The following SLC39A9 variants were observed in gnomAD, a reference collection of about 807,000 sequenced individuals.
SLC39A9 encodes the protein zinc transporter ZIP9.
Under a neutral mutation model 28.4 loss-of-function variants are expected in SLC39A9, and 14 were observed. The ratio of observed to expected loss-of-function variants is 0.49; its 90% CI spans 0.33 to 0.77. SLC39A9 has a LOEUF of 0.77. Ranked by LOEUF, SLC39A9 falls within the 30% of genes least tolerant of loss-of-function variation. The pLI is 0.02. For missense variants in SLC39A9, 283 were observed against 381.1 expected, an observed-to-expected ratio of 0.74 and a Z score of 2.14; for synonymous variants, 119 against 149.6, an observed-to-expected ratio of 0.80 and a Z score of 1.49.
At chr14:69,443,302 C>T (rs543050946) in intron 3 of SLC39A9, among the ~76,000 whole-genome samples, 16 of 152,258 alleles carry the variant, frequency 1.1e-4, no homozygotes, top group African/African-American at 3.9e-4. Flanking sequence ...AATGGGAGAG[C>T]CTTGTGACTA....
intron 3 of SLC39A9, among the ~76,000 whole-genome samples, chr14:69,448,744 C>T (rs1885462437): frequency 6.6e-6 from 1 of 152,110 alleles, no homozygotes; most frequent in South Asian, 2.1e-4. Context: ...TTACAATATG[C>T]AAGAAAATTA....
intron 3 of SLC39A9, among the ~76,000 whole-genome samples, chr14:69,444,183 C>T (rs1214711405): frequency 6.6e-6 from 1 of 151,958 alleles, no homozygotes; most frequent in Non-Finnish European, 1.5e-5. Flanking sequence ...AGAACAAGAT[C>T]CCATCTCAAA....
intron 2 of SLC39A9, among the ~76,000 whole-genome samples, chr14:69,436,689 A>G (rs1222589411): frequency 1.3e-5 from 2 of 152,112 alleles, no homozygotes; most frequent in Non-Finnish European, 1.5e-5. Context: ...TATACATAGG[A>G]TTAAAGAACC....
rs1195265731 is a variant in SLC39A9, at chr14:69,399,431, C to T, written c.62C>T (p.Ala21Val). The T allele has an allele frequency of 6.2e-7, 1 of 1,614,064 alleles. No individual in the cohort carries two copies. The part of the protein sequence containing the change: ...SLAMLVGCYV[A>V]GIIPLAVNFS... ...GCTATGTTGGTGGGATGTTACGTGG[C>T]CGGAATCATTCCCTTGGCTGTTAAT... The change falls in exon 1 of 7, where the codon GCC becomes GTC. Residue 21 changes from alanine (A) to valine (V), a missense_variant. Coordinates refer to ENST00000336643, the MANE Select transcript of SLC39A9 (RefSeq NM_018375.5).
At chr14:69,406,459 T>C (rs1353611357) in intron 1 of SLC39A9, among the ~76,000 whole-genome samples, 2 of 152,126 alleles carry the variant, frequency 1.3e-5, no homozygotes, top group Admixed American at 6.5e-5. Context: ...AGTCTTAACC[T>C]CTCCTCTAAT....
intron 1 of SLC39A9, among the ~76,000 whole-genome samples, chr14:69,409,512 A>ATT (rs148369820): frequency 6.6e-6 from 1 of 151,792 alleles, no homozygotes; most frequent in African/African-American, 2.4e-5. Flanking sequence ...TAATTTTTGT[A>ATT]TTTTTTTAGA....
intron 3 of SLC39A9, among the ~76,000 whole-genome samples, chr14:69,448,201 T>G (rs11622711): frequency 3.3e-5 from 4 of 120,118 alleles, no homozygotes; most frequent in Non-Finnish European, 4.9e-5. Context: ...GGCAACAAAG[T>G]GAGACTCTGT....
rs997620292 is a variant in SLC39A9, at chr14:69,454,819, T to C, written c.480T>C (p.Gly160=). ...LGLVVHAAAD[G]VALGAAASTS... ...CCTTGTTTCCAAATATAGCTGATGGTGTTGCTTTGGGAGCAGCAGCATCTA... is the reference window on the plus strand; with the variant it reads ...CCTTGTTTCCAAATATAGCTGATGGCGTTGCTTTGGGAGCAGCAGCATCTA... The change falls in exon 5 of 7, where the codon GGT becomes GGC. Residue 160 remains glycine (G), a synonymous_variant. Transcript: ENST00000336643. 1 of 1,613,636 alleles carries C rather than the reference T, an allele frequency of 6.2e-7. No individual in the cohort carries two copies. The highest frequency in any genetic ancestry group is 1.3e-5 in the African/African-American group (1 of 74,934).
intron 3 of SLC39A9, among the ~76,000 whole-genome samples, chr14:69,448,130 G>A (rs1286527586): frequency 1.3e-5 from 2 of 149,330 alleles, no homozygotes; most frequent in African/African-American, 4.9e-5. Context: ...CAGGAGAATG[G>A]CGTGAACATG....
chr14:69,442,376 C>CTT, intron 3 of SLC39A9, 110 bp downstream of exon 3: 1 of 1,008,006 alleles, frequency 9.9e-7, no homozygotes, highest in Non-Finnish European at 1.5e-6. Flanking sequence ...TGCTAAAACT[C>CTT]TTGTCTTCCT....
In SLC39A9 at chr14:69,460,621, A is replaced by G; in HGVS notation, c.*2028A>G. 3 of 985,432 alleles carry G rather than the reference A, an allele frequency of 3.0e-6. No homozygotes were observed. Among genetic ancestry groups the G allele is most frequent in the Non-Finnish European group, 3.6e-6 (3 of 829,934 alleles). 61.0% of individuals were successfully genotyped at this position (985,432 alleles called of 1,614,324 possible). A position where few individuals can be genotyped will look rare whatever the true frequency, so the allele number is the denominator to read the frequency against. ...CAATGGTAATTTGTTCTACTGGCCA[A>G]AGCCTCTTTCAGCAGTGCCTTGCCA... is the stretch of plus-strand genomic sequence containing the variant. On this transcript the variant is annotated 3_prime_UTR_variant, in exon 7 of 7. Coordinates refer to ENST00000336643, the MANE Select transcript of SLC39A9 (RefSeq NM_018375.5).
At chr14:69,437,714 A>G (rs1040414854) in intron 2 of SLC39A9, among the ~76,000 whole-genome samples, 3 of 150,034 alleles carry the variant, frequency 2.0e-5, no homozygotes, top group African/African-American at 7.4e-5. Context: ...TCAGCCTCCC[A>G]AGTAACTGGG....
intron 2 of SLC39A9, among the ~76,000 whole-genome samples, chr14:69,436,421 T>C (rs1344051279): frequency 5.3e-5 from 8 of 152,204 alleles, no homozygotes; most frequent in African/African-American, 1.4e-4. Context: ...AAATAACTTT[T>C]GGTTGTATGC....
At chr14:69,456,151 T>TGCTA (rs1438468295) in intron 6 of SLC39A9, among the ~76,000 whole-genome samples, 1 of 152,220 alleles carries the variant, frequency 6.6e-6, no homozygotes, top group Non-Finnish European at 1.5e-5. Flanking sequence ...TAACCAGCCA[T>TGCTA]GCTAGCTTCA....
rs987355699 is a variant in SLC39A9, at chr14:69,444,162, G to A, written c.403+1896G>A. ...GATCACACCACTGCACTCCAGTTCAGCCTGAGCAAGAGAACAAGATCCCAT... is the reference window on the plus strand; with the variant it reads ...GATCACACCACTGCACTCCAGTTCAACCTGAGCAAGAGAACAAGATCCCAT... On this transcript the variant is annotated intron_variant, in intron 3 of 6. Coordinates refer to ENST00000336643, the MANE Select transcript of SLC39A9 (RefSeq NM_018375.5). Among the ~76,000 whole-genome samples the A allele has an allele frequency of 3.3e-5, 5 of 152,112 alleles. No individual in the cohort carries two copies. The South Asian group carries it at 1.0e-3, about 32-fold the overall frequency.
chr14:69,446,518 A>T (rs930736285), intron 3 of SLC39A9, among the ~76,000 whole-genome samples: 6 of 152,010 alleles, frequency 3.9e-5, no homozygotes, highest in Non-Finnish European at 7.4e-5. Context: ...CACTGGCCAC[A>T]TGTGGGATAA....
chr14:69,437,604 T>TG (rs1384749646), intron 2 of SLC39A9, among the ~76,000 whole-genome samples: 1 of 151,992 alleles, frequency 6.6e-6, no homozygotes, highest in Non-Finnish European at 1.5e-5. Context: ...GTTTTTTTTT[T>TG]TTTGAGACGG....
chr14:69,446,164 A>C (rs190575780), intron 3 of SLC39A9, among the ~76,000 whole-genome samples: 1 of 152,038 alleles, frequency 6.6e-6, no homozygotes, highest in South Asian at 2.1e-4. Flanking sequence ...GAAGGAACAC[A>C]CAAGTATGGA....
At chr14:69,446,969 G>C (rs574756347) in intron 3 of SLC39A9, among the ~76,000 whole-genome samples, 1 of 110,536 alleles carries the variant, frequency 9.0e-6, no homozygotes, top group Non-Finnish European at 2.0e-5. Flanking sequence ...GAGAGAGAGC[G>C]AGAGAGAGAG....
Sources: gnomAD v4.1 joint callset for allele counts (sites outside exome capture counted in the v4.1 genomes callset) on GRCh38, gnomAD v4.1.1 for gene constraint, MANE v1.5 for transcripts, NCBI Gene and HGNC (gene_info 2026-07-23, HGNC 2026-07-21) for gene names.